PDLIM5: variants seen among roughly 807,000 people sequenced by gnomAD.
The protein encoded by PDLIM5 is PDZ and LIM domain protein 5.
A neutral mutation model predicts 64.2 loss-of-function variants in PDLIM5; 34 were observed. That is an observed-to-expected ratio of 0.53 (90% CI 0.40 to 0.71). The LOEUF is 0.71. Among genes scored for constraint, PDLIM5 ranks in the 30% least tolerant of loss-of-function variants. PDLIM5 has a pLI of 0.00. For synonymous variants in PDLIM5, 253 were observed against 269.1 expected (o/e 0.94, Z 0.59); for missense variants, 683 against 733.6 (o/e 0.93, Z 0.80).
At chr4:94,479,884 C>T (rs570808740) in intron 2 of PDLIM5, among the ~76,000 whole-genome samples, 2 of 152,094 alleles carry the variant, frequency 1.3e-5, no homozygotes, top group African/African-American at 4.8e-5. Context: ...TGATGTAAGT[C>T]TAATTTTCAA....
chr4:94,619,352 C>T (rs199698901), intron 8 of PDLIM5, among the ~76,000 whole-genome samples: 4 of 143,574 alleles, frequency 2.8e-5, no homozygotes, highest in Non-Finnish European at 4.5e-5. Flanking sequence ...TCTTTTTTTT[C>T]TTTTTTTTTT....
intron 8 of PDLIM5, among the ~76,000 whole-genome samples, chr4:94,622,039 A>G (rs1374138593): frequency 6.6e-6 from 1 of 152,206 alleles, no homozygotes. Flanking sequence ...ACGTTGTGGC[A>G]AAGTTAACTT....
chr4:94,519,323 C>A lies in PDLIM5; in HGVS notation c.97-4401C>A, dbSNP rs183006404. The stretch of plus-strand genomic sequence containing the variant: ...AATAAACAATAATATTGAGCATTTC[C>A]GGTGCATTTTGTGGTATGTGCTGTC... On this transcript the variant is annotated intron_variant, in intron 2 of 12. Coordinates refer to ENST00000317968, the MANE Select transcript of PDLIM5 (RefSeq NM_006457.5). Among the ~76,000 whole-genome samples the A allele has an allele frequency of 3.8e-3, 572 of 152,252 alleles. 3 individuals are homozygous for A. The highest frequency in any genetic ancestry group is 0.013 in the African/African-American group (543 of 41,550).
At chr4:94,512,940 T>A (rs532377427) in intron 2 of PDLIM5, among the ~76,000 whole-genome samples, 94 of 152,324 alleles carry the variant, frequency 6.2e-4, no homozygotes, top group African/African-American at 2.2e-3. Flanking sequence ...CTAATTTCAT[T>A]CTTCTGCATA....
chr4:94,567,694 C>T (rs1436691295), intron 3 of PDLIM5, among the ~76,000 whole-genome samples: 1 of 152,076 alleles, frequency 6.6e-6, no homozygotes, highest in South Asian at 2.1e-4. Flanking sequence ...ACTAGTAGCT[C>T]CATTTATAGT....
At chr4:94,524,179 G>C (rs367735237) in intron 3 of PDLIM5, among the ~76,000 whole-genome samples, 3 of 151,876 alleles carry the variant, frequency 2.0e-5, no homozygotes, top group African/African-American at 7.3e-5. Flanking sequence ...AGACCAGCTG[G>C]CCAATATAAT....
At chr4:94,609,238 A>G (rs1738169436) in intron 7 of PDLIM5, among the ~76,000 whole-genome samples, 1 of 152,182 alleles carries the variant, frequency 6.6e-6, no homozygotes. Context: ...TACTGTAGTG[A>G]TGATGCTCAT....
intron 8 of PDLIM5, among the ~76,000 whole-genome samples, chr4:94,635,863 C>CG (rs1404518172): frequency 6.6e-6 from 1 of 152,134 alleles, no homozygotes; most frequent in Non-Finnish European, 1.5e-5. Context: ...ATAGCTGTGC[C>CG]GTGGAAATGT....
chr4:94,600,002 C>T (rs1373783681), intron 7 of PDLIM5, among the ~76,000 whole-genome samples: 1 of 152,088 alleles, frequency 6.6e-6, no homozygotes, highest in Non-Finnish European at 1.5e-5. Flanking sequence ...AGGAGATACA[C>T]AAAGCAGTGA....
chr4:94,590,024 G>A (rs867660098), intron 7 of PDLIM5, among the ~76,000 whole-genome samples: 10 of 151,990 alleles, frequency 6.6e-5, no homozygotes, highest in African/African-American at 2.2e-4. Context: ...TTATCCGCCT[G>A]TGCCTCGGCC....
chr4:94,470,121 C>T (rs927595380), intron 2 of PDLIM5, among the ~76,000 whole-genome samples: 3 of 151,898 alleles, frequency 2.0e-5, no homozygotes, highest in Non-Finnish European at 4.4e-5. Flanking sequence ...CACATGCCAC[C>T]ACACCCGGCT....
At chr4:94,598,959 C>G (rs138478199) in intron 7 of PDLIM5, among the ~76,000 whole-genome samples, 1 of 151,996 alleles carries the variant, frequency 6.6e-6, no homozygotes, top group East Asian at 1.9e-4. Context: ...GTTTAGGGAA[C>G]TGAAAAAGAG....
chr4:94,467,565 G>A (rs1166076862), intron 2 of PDLIM5, among the ~76,000 whole-genome samples: 1 of 152,116 alleles, frequency 6.6e-6, no homozygotes, highest in Non-Finnish European at 1.5e-5. Context: ...ACCCGCCTCA[G>A]CCTCCCAAAG....
chr4:94,582,287 T>C (rs1239667700), intron 5 of PDLIM5, among the ~76,000 whole-genome samples: 1 of 152,194 alleles, frequency 6.6e-6, no homozygotes, highest in African/African-American at 2.4e-5. Context: ...ACATTTTACA[T>C]CTGATTGCTT....
chr4:94,602,504 A>G (rs1426036713), intron 7 of PDLIM5, among the ~76,000 whole-genome samples: 1 of 151,600 alleles, frequency 6.6e-6, no homozygotes, highest in African/African-American at 2.4e-5. Context: ...CCAGGCTGGA[A>G]TGCAATGGCA....
At chr4:94,571,577 A>C (rs1020920966) in intron 3 of PDLIM5, among the ~76,000 whole-genome samples, 2 of 152,210 alleles carry the variant, frequency 1.3e-5, no homozygotes, top group African/African-American at 2.4e-5. Flanking sequence ...TGATCACTGC[A>C]GTTCAAAGGG....
chr4:94,591,791 C>G (rs1408035375), intron 7 of PDLIM5, among the ~76,000 whole-genome samples: 1 of 152,166 alleles, frequency 6.6e-6, no homozygotes, highest in Non-Finnish European at 1.5e-5. Flanking sequence ...GGTTGTTGAC[C>G]CTAGAGACAT....
intron 2 of PDLIM5, among the ~76,000 whole-genome samples, chr4:94,479,277 A>G (rs1225958752): frequency 7.1e-6 from 1 of 141,612 alleles, no homozygotes; most frequent in Non-Finnish European, 1.5e-5. Context: ...ATTTCCTATT[A>G]TTGGTTAGAC....
At chr4:94,567,931 A>G (rs2452594) in intron 3 of PDLIM5, among the ~76,000 whole-genome samples, 104,715 of 152,130 alleles carry the variant, frequency 0.69, 38,413 homozygotes, top group East Asian at 0.9. Context: ...AGTTGTAAAC[A>G]GTGTAAAAGT....
Sources: gnomAD v4.1 joint callset for allele counts (sites outside exome capture counted in the v4.1 genomes callset) on GRCh38, gnomAD v4.1.1 for gene constraint, MANE v1.5 for transcripts, NCBI Gene and HGNC (gene_info 2026-07-23, HGNC 2026-07-21) for gene names.